The following UBQLN1 variants were observed in gnomAD, a reference collection of about 807,000 sequenced individuals.
The protein encoded by UBQLN1 is ubiquilin-1.
Under a neutral mutation model 65.4 loss-of-function variants are expected in UBQLN1, and 13 were observed. That is an observed-to-expected ratio of 0.20 (90% CI 0.13 to 0.32). The LOEUF is 0.32. Ranked by LOEUF, UBQLN1 falls within the 10% of genes least tolerant of loss-of-function variation. The pLI, the probability that UBQLN1 is intolerant of heterozygous loss-of-function variation, is 1.00. For missense variants in UBQLN1, 561 were observed against 724.0 expected (o/e 0.77, Z 2.58); for synonymous variants, 267 against 247.8 (o/e 1.08, Z -0.73).
chr9:83,692,266 C>G (rs1460737300), intron 1 of UBQLN1, among the ~76,000 whole-genome samples: 1 of 152,156 alleles, frequency 6.6e-6, no homozygotes, highest in Non-Finnish European at 1.5e-5. Context: ...GCTAAAAATT[C>G]TGCACGTACT....
rs528536464 is a variant in UBQLN1 at position 83,666,359 on chromosome 9, G to T, written c.1323C>A (p.Phe441Leu). ...QEQMRQQLPTFLQQMQNPDTL... is the reference protein window; with the variant it reads ...QEQMRQQLPTLLQQMQNPDTL... ...ATCTTGTCTTACTCACTTGTTGGAGGAAAGTTGGGAGCTGTTGTCTCATTT... is the reference window on the plus strand; with the variant it reads ...ATCTTGTCTTACTCACTTGTTGGAGTAAAGTTGGGAGCTGTTGTCTCATTT... Residue 441 changes from phenylalanine (F) to leucine (L), a missense_variant, in exon 8 of 11, where the codon TTC (phenylalanine) becomes TTA (leucine). Phe to Leu is a conservative substitution (Grantham distance 22, BLOSUM62 0). Transcript: ENST00000376395. The T allele has an allele frequency of 1.9e-6, 3 of 1,613,858 alleles. No individual in the cohort carries two copies. The highest frequency in any genetic ancestry group is 1.7e-5 in the Admixed American group (1 of 60,032).
rs145473718 is a variant in UBQLN1 at position 83,663,404 on chromosome 9, T to C, written c.1617+471A>G. On this transcript the variant is annotated intron_variant, in intron 10 of 10. Coordinates refer to ENST00000376395, the MANE Select transcript of UBQLN1 (RefSeq NM_013438.5). Reference sequence around the variant, plus strand: ...TTTAGCCATATTTACGAGATATATATATATGTAACACAAGCTACCGCAGGA... The same window carrying C: ...TTTAGCCATATTTACGAGATATATACATATGTAACACAAGCTACCGCAGGA... Among the ~76,000 whole-genome samples the C allele has an allele frequency of 7.9e-3, 1,197 of 152,196 alleles. 19 individuals carry two copies. Among genetic ancestry groups the C allele is most frequent in the Non-Finnish European group, 6.9e-3 (471 of 68,008 alleles).
chr9:83,680,392 T>C (rs1193546792), intron 3 of UBQLN1, among the ~76,000 whole-genome samples: 2 of 152,118 alleles, frequency 1.3e-5, no homozygotes, highest in Non-Finnish European at 2.9e-5. Context: ...TTGATCATTA[T>C]GCTAATGAAG....
chr9:83,704,878 A>G (rs1221358117), intron 1 of UBQLN1, among the ~76,000 whole-genome samples: 1 of 152,108 alleles, frequency 6.6e-6, no homozygotes, highest in East Asian at 1.9e-4. Context: ...GTAAAATAAA[A>G]GCGTTCACAG....
chr9:83,668,122 A>C (rs940048407), intron 7 of UBQLN1: 2 of 985,314 alleles, frequency 2.0e-6, no homozygotes, highest in Non-Finnish European at 2.4e-6. Context: ...TTTCATATGC[A>C]TAAATCAATC....
rs975664610 is a variant in UBQLN1, at chr9:83,689,396, G to C, written c.181-3241C>G. 7.9e-5 allele frequency among the ~76,000 whole-genome samples: 12 copies of C among 152,268 alleles called. 1 individual carries two copies. In the East Asian group the frequency reaches 2.3e-3, roughly 29 times the overall value. On this transcript the variant is annotated intron_variant, in intron 1 of 10. Transcript: ENST00000376395. ...TACATTTATCTCAGAGAAACTGACA[G>C]ACTAAATGGGCAAAAATGAATTAGT... is the stretch of plus-strand genomic sequence containing the variant.
chr9:83,663,724 T>G (rs1021138849), intron 10 of UBQLN1, 151 bp downstream of exon 10: 2 of 762,206 alleles, frequency 2.6e-6, no homozygotes, highest in African/African-American at 3.6e-5. Flanking sequence ...ATGCCTGTTT[T>G]CTTACTCAAT....
intron 7 of UBQLN1, chr9:83,667,709 C>T: frequency 1.4e-5 from 14 of 984,064 alleles, no homozygotes; most frequent in Non-Finnish European, 1.7e-5. Flanking sequence ...CGTATCCTTT[C>T]ACAGATAATC....
chr9:83,666,292 C>T lies in UBQLN1; in HGVS notation c.1332+58G>A, dbSNP rs375783979. The T allele has an allele frequency of 2.3e-5, 36 of 1,539,200 alleles. No homozygotes were observed. In the African/African-American group the frequency reaches 4.5e-4, roughly 19 times the overall value. ...GAGAAGAGCAAGGAAAAATGTTTAT[C>T]ATCAAATTTTTTCAAGCAAATCATT... On this transcript the variant is annotated intron_variant, in intron 8 of 10. Coordinates refer to ENST00000376395, the MANE Select transcript of UBQLN1 (RefSeq NM_013438.5).
At position 83,660,442 on chromosome 9, in the gene UBQLN1, G is replaced by GTTTTAA. The variant is rs879850498; in HGVS notation, c.*1344_*1345insTTAAAA. 5.2e-5 allele frequency: 8 copies of GTTTTAA among 152,590 alleles called. No individual in the cohort carries two copies. Among genetic ancestry groups the GTTTTAA allele is most frequent in the Non-Finnish European group, 1.0e-4 (7 of 68,034 alleles). The allele number at this position is 152,590 out of a possible 1,614,324, so 9.5% of individuals were successfully genotyped here. Reference sequence around the variant, plus strand: ...ATGTTTTAATTGGTCCTAAAGGAATGTACCACCCCAACAGTTTGGGAGTTA... The same window carrying GTTTTAA: ...ATGTTTTAATTGGTCCTAAAGGAATGTTTTAATACCACCCCAACAGTTTGGGAGTTA... On this transcript the variant is annotated 3_prime_UTR_variant, in exon 11 of 11. Coordinates refer to ENST00000376395, the MANE Select transcript of UBQLN1 (RefSeq NM_013438.5).
chr9:83,678,755 C>T (rs546587874), intron 4 of UBQLN1, among the ~76,000 whole-genome samples, 156 bp from the exon 5 acceptor site: 4 of 151,996 alleles, frequency 2.6e-5, no homozygotes, highest in African/African-American at 9.6e-5. Flanking sequence ...CTTGCTTTGT[C>T]GCCCAGGCTG....
chr9:83,684,008 G>C (rs182569171), intron 2 of UBQLN1, among the ~76,000 whole-genome samples: 4 of 152,018 alleles, frequency 2.6e-5, no homozygotes, highest in Admixed American at 2.6e-4. Flanking sequence ...GTGACAGAGA[G>C]AGACTCTTGA....
chr9:83,701,216 ATAC>A (rs1832304658), intron 1 of UBQLN1, among the ~76,000 whole-genome samples: 2 of 152,184 alleles, frequency 1.3e-5, no homozygotes, highest in Admixed American at 1.3e-4. Flanking sequence ...TTTAAAAATA[ATAC>A]ATTATATATT....
At chr9:83,671,296 G>A (rs1022745436) in intron 6 of UBQLN1, among the ~76,000 whole-genome samples, 16 of 152,314 alleles carry the variant, frequency 1.1e-4, no homozygotes, top group African/African-American at 3.4e-4. Flanking sequence ...AATTAGGAAC[G>A]TTCTTAATGA....
intron 6 of UBQLN1, among the ~76,000 whole-genome samples, chr9:83,674,801 C>A (rs773011785): frequency 6.6e-6 from 1 of 152,080 alleles, no homozygotes; most frequent in Non-Finnish European, 1.5e-5. Context: ...GGAAAATTAC[C>A]CTCTATAAAT....
intron 6 of UBQLN1, among the ~76,000 whole-genome samples, chr9:83,671,033 A>C (rs1381461140): frequency 1.3e-5 from 2 of 152,118 alleles, no homozygotes; most frequent in African/African-American, 2.4e-5. Flanking sequence ...TGGCACGAAC[A>C]TAGCTCACTG....
intron 7 of UBQLN1, chr9:83,668,658 T>C: frequency 2.0e-6 from 2 of 984,358 alleles, no homozygotes; most frequent in Non-Finnish European, 2.4e-6. Context: ...GAAAAAGGAA[T>C]ACATTAATAA....
chr9:83,695,844 GTC>G (rs574670736), intron 1 of UBQLN1, among the ~76,000 whole-genome samples: 220 of 152,316 alleles, frequency 1.4e-3, no homozygotes, highest in Non-Finnish European at 2.3e-3. Flanking sequence ...TAATCCAACA[GTC>G]TCTGCAAACA....
chr9:83,671,583 C>A (rs1186702390), intron 6 of UBQLN1, among the ~76,000 whole-genome samples: 5 of 152,106 alleles, frequency 3.3e-5, no homozygotes, highest in Admixed American at 2.6e-4. Context: ...TGAAAGGAAT[C>A]TTTTCCTTAG....
Sources: allele counts gnomAD v4.1 joint callset (sites outside exome capture counted in the v4.1 genomes callset), GRCh38; gene constraint gnomAD v4.1.1; transcripts MANE v1.5; gene names NCBI Gene and HGNC (gene_info 2026-07-23, HGNC 2026-07-21).